CDC42BPB: variants seen among roughly 807,000 people sequenced by gnomAD.
The protein encoded by CDC42BPB is serine/threonine-protein kinase MRCK beta.
In CDC42BPB, 37 loss-of-function variants were observed where a neutral mutation model predicts 214.9. The observed-to-expected ratio is 0.17, with a 90% CI of 0.13 to 0.23. The LOEUF is 0.23. Ranked by LOEUF, CDC42BPB falls within the 10% of genes least tolerant of loss-of-function variation. The pLI is 1.00. For missense variants in CDC42BPB, 1,694 were observed against 2,227.0 expected, an observed-to-expected ratio of 0.76 and a Z score of 4.82; for synonymous variants, 931 against 884.0, an observed-to-expected ratio of 1.05 and a Z score of -0.94.
chr14:103,025,259 G>A (rs903975066), intron 1 of CDC42BPB, among the ~76,000 whole-genome samples: 6 of 152,038 alleles, frequency 3.9e-5, no homozygotes, highest in Admixed American at 1.3e-4. Flanking sequence ...ACTGTCCGAT[G>A]TGCCACCCCT....
chr14:102,934,086 A>C (rs1891521342), intron 36 of CDC42BPB: 1 of 1,213,672 alleles, frequency 8.2e-7, no homozygotes, highest in African/African-American at 1.6e-5. Flanking sequence ...TACAAAAGAC[A>C]GCAACTCTGT....
At chr14:102,999,315 A>T (rs1894875317) in intron 5 of CDC42BPB, among the ~76,000 whole-genome samples, 1 of 152,112 alleles carries the variant, frequency 6.6e-6, no homozygotes, top group Non-Finnish European at 1.5e-5. Flanking sequence ...GTCAATGTCA[A>T]ATAAATATCA....
intron 6 of CDC42BPB, 175 bp from the exon 7 acceptor site, chr14:102,983,931 T>C (rs1033496250): frequency 1.0e-6 from 1 of 982,022 alleles, no homozygotes; most frequent in East Asian, 1.1e-4. Context: ...GCCTCGAGCC[T>C]GTAGCCTCAG....
intron 1 of CDC42BPB, among the ~76,000 whole-genome samples, chr14:103,030,894 G>A (rs895649036): frequency 7.2e-5 from 11 of 151,930 alleles, no homozygotes; most frequent in African/African-American, 2.7e-4. Context: ...GGCTGAGACG[G>A]GAGGATGGCT....
intron 1 of CDC42BPB, among the ~76,000 whole-genome samples, chr14:103,051,282 A>G (rs1888592823): frequency 6.6e-6 from 1 of 152,092 alleles, no homozygotes; most frequent in Non-Finnish European, 1.5e-5. Context: ...CTTCTCACAC[A>G]AATTTAAGGT....
At chr14:103,020,677 A>C (rs545021160) in intron 1 of CDC42BPB, among the ~76,000 whole-genome samples, 4 of 152,318 alleles carry the variant, frequency 2.6e-5, no homozygotes, top group South Asian at 2.1e-4. Flanking sequence ...CGTGAGAGAG[A>C]GAGCACAGGG....
chr14:102,959,838 TAAAAAAAA>T (rs35833302), intron 20 of CDC42BPB, 128 bp from the exon 21 acceptor site: 11 of 718,858 alleles, frequency 1.5e-5, no homozygotes, highest in South Asian at 5.7e-5. Context: ...TGATCACAAT[TAAAAAAAA>T]AAAAAAAAAA....
intron 17 of CDC42BPB, 104 bp downstream of exon 17, chr14:102,966,942 G>A (rs370494938): frequency 9.6e-6 from 13 of 1,347,382 alleles, no homozygotes; most frequent in Non-Finnish European, 1.3e-5. Flanking sequence ...AGCCTGAGAG[G>A]CACGGCCTGG....
At chr14:103,048,502 C>A (rs1344980281) in intron 1 of CDC42BPB, among the ~76,000 whole-genome samples, 3 of 125,410 alleles carry the variant, frequency 2.4e-5, no homozygotes, top group East Asian at 4.6e-4. Context: ...TCCTGGCTAA[C>A]ACGGTGAAAC....
chr14:102,972,567 T>G (rs1360643609), intron 12 of CDC42BPB, among the ~76,000 whole-genome samples: 1 of 151,804 alleles, frequency 6.6e-6, no homozygotes, highest in East Asian at 1.9e-4. Flanking sequence ...TGGGTGCCTG[T>G]AGTCCCAGCT....
intron 1 of CDC42BPB, among the ~76,000 whole-genome samples, chr14:103,015,793 C>T (rs990162163): frequency 1.3e-5 from 2 of 152,060 alleles, no homozygotes; most frequent in African/African-American, 4.8e-5. Context: ...ACTGCAACCT[C>T]CGCCTCCTGG....
chr14:102,968,842 A>G, intron 14 of CDC42BPB, 126 bp from the exon 15 acceptor site: 1 of 1,505,416 alleles, frequency 6.6e-7, no homozygotes, highest in African/African-American at 1.4e-5. Context: ...CCTGGTCTAC[A>G]CCAGATGACG....
At chr14:102,947,949 G>A in intron 26 of CDC42BPB, 147 bp from the exon 27 acceptor site, 1 of 1,486,756 alleles carries the variant, frequency 6.7e-7, no homozygotes, top group Non-Finnish European at 8.9e-7. Flanking sequence ...CCAGATGTAA[G>A]AAACACGGGC....
intron 5 of CDC42BPB, among the ~76,000 whole-genome samples, chr14:102,990,064 G>C (rs568447248): frequency 2.6e-5 from 4 of 152,256 alleles, no homozygotes; most frequent in African/African-American, 9.6e-5. Context: ...ATAAAGAAGG[G>C]GCGACGCTTC....
intron 5 of CDC42BPB, among the ~76,000 whole-genome samples, chr14:102,988,899 A>C (rs1490425634): frequency 6.6e-6 from 1 of 151,518 alleles, no homozygotes; most frequent in Non-Finnish European, 1.5e-5. Flanking sequence ...AAACAAACCA[A>C]CACGTGGGTT....
chr14:102,963,787 C>T (rs1893063109), intron 19 of CDC42BPB, among the ~76,000 whole-genome samples: 1 of 152,182 alleles, frequency 6.6e-6, no homozygotes, highest in Non-Finnish European at 1.5e-5. Context: ...CAGCAATTCC[C>T]AGTATAAAGA....
At position 102,970,168 on chromosome 14, in the gene CDC42BPB, C is replaced by T. The variant is rs769438435; in HGVS notation, c.1978G>A (p.Glu660Lys). 2.5e-5 allele frequency: 41 copies of T among 1,613,146 alleles called. No homozygotes were observed. The highest frequency in any genetic ancestry group is 2.2e-4 in the East Asian group (10 of 44,878). The change falls in exon 14 of 37, where the codon GAG becomes AAG. Residue 660 changes from glutamate to lysine, a missense_variant. Coordinates refer to ENST00000361246, the MANE Select transcript of CDC42BPB (RefSeq NM_006035.4). ...SENFCKQMES[E>K]LEALKVKQGG... ...AGCACTACCTTGAGGGCCTCCAGCT[C>T]GCTTTCCATTTGCTTGCAGAAGTTC... is the stretch of plus-strand genomic sequence containing the variant.
chr14:103,012,217 TTAGTC>T, intron 1 of CDC42BPB, 29 bp from the exon 2 acceptor site: 3 of 1,580,534 alleles, frequency 1.9e-6, no homozygotes, highest in African/African-American at 1.3e-5. Context: ...AACCAACAAT[TTAGTC>T]TAATCAGTTC....
intron 4 of CDC42BPB, among the ~76,000 whole-genome samples, chr14:103,002,626 T>G (rs1895040286): frequency 6.6e-6 from 1 of 152,032 alleles, no homozygotes; most frequent in Admixed American, 6.6e-5. Flanking sequence ...GGGGTTTATG[T>G]GGAGGTGGCC....
Sources: gnomAD v4.1 joint callset for allele counts (sites outside exome capture counted in the v4.1 genomes callset) on GRCh38, gnomAD v4.1.1 for gene constraint, MANE v1.5 for transcripts, NCBI Gene and HGNC (gene_info 2026-07-23, HGNC 2026-07-21) for gene names.